Variants in SPRTN observed in about 807,000 individuals in gnomAD.
SPRTN encodes the protein DNA-dependent metalloprotease SPRTN.
Under a neutral mutation model 31.9 loss-of-function variants are expected in SPRTN, and 11 were observed. That is an observed-to-expected ratio of 0.34 (90% CI 0.22 to 0.57). SPRTN has a LOEUF of 0.57. SPRTN is among the 20% of genes least tolerant of loss of function. The pLI, the probability that SPRTN is intolerant of heterozygous loss-of-function variation, is 0.86. For synonymous variants in SPRTN, 185 were observed against 212.1 expected (o/e 0.87, Z 1.11); for missense variants, 482 against 590.1 (o/e 0.82, Z 1.90).
intron 1 of SPRTN, chr1:231,339,522 T>C: frequency 1.4e-6 from 1 of 705,708 alleles, no homozygotes; most frequent in Non-Finnish European, 2.5e-6. Context: ...CCTTCCACCT[T>C]CTCAAGCAGG....
At chr1:231,346,211 A>G (rs769247489) in intron 2 of SPRTN, among the ~76,000 whole-genome samples, 2 of 109,040 alleles carry the variant, frequency 1.8e-5, no homozygotes, top group East Asian at 5.7e-4. Flanking sequence ...TTTTTTTGAG[A>G]TGGAGTCTTG....
In SPRTN at chr1:231,338,548, A is replaced by C; in HGVS notation, c.165A>C (p.Gln55His). 6.2e-7 allele frequency: 1 copy of C among 1,614,214 alleles called. No homozygotes were observed. The highest frequency in any genetic ancestry group is 8.5e-7 in the Non-Finnish European group (1 of 1,180,040). Residue 55 changes from glutamine (Q) to histidine (H), a missense_variant, in exon 1 of 5, where the codon CAA (glutamine) becomes CAC (histidine). Gln to His is a conservative substitution (Grantham distance 24). Around this residue, in one of 2 missense-constraint regions of SPRTN, gnomAD observed 157 missense variants for 239.9 expected, o/e 0.65. Coordinates refer to ENST00000295050, the MANE Select transcript of SPRTN (RefSeq NM_032018.7). ...CACTGTTTGTTCAGTTTAACGACCA[A>C]TTCTTCTGGGGCCAGCTGGAGGCCG... is the stretch of plus-strand genomic sequence containing the variant. ...LQALFVQFND[Q>H]FFWGQLEAVE...
chr1:231,352,402 T>A, intron 4 of SPRTN: 3 of 1,197,868 alleles, frequency 2.5e-6, no homozygotes, highest in Non-Finnish European at 3.1e-6. Context: ...TATGAGAGAA[T>A]TTTTTTTTAT....
chr1:231,351,582 G>A lies in SPRTN; in HGVS notation c.718+11G>A, dbSNP rs758205268. ...CCGCAGAGAATAAAGGTACCTTCGT[G>A]TATATTCTTCTGATTTTTATGTGAC... On this transcript the variant is annotated intron_variant, in intron 4 of 4. Coordinates refer to ENST00000295050, the MANE Select transcript of SPRTN (RefSeq NM_032018.7). 11 of 1,612,466 alleles carry A rather than the reference G, an allele frequency of 6.8e-6. No individual in the cohort carries two copies. In the South Asian group the frequency reaches 7.7e-5, roughly 11 times the overall value.
At chr1:231,341,026 AAGT>A (rs1686871441) in intron 2 of SPRTN, among the ~76,000 whole-genome samples, 1 of 152,122 alleles carries the variant, frequency 6.6e-6, no homozygotes, top group Non-Finnish European at 1.5e-5. Context: ...TTTGTTTAAA[AAGT>A]AGCTACTAAA....
chr1:231,352,388 T>G, intron 4 of SPRTN: 1 of 1,211,008 alleles, frequency 8.3e-7, no homozygotes, highest in Non-Finnish European at 1.0e-6. Context: ...ATTCTTTATT[T>G]AAATATGAGA....
Position 231,353,465 on chromosome 1 carries a change from T to C in SPRTN, c.*104T>C. 1 of 1,449,198 alleles carries C rather than the reference T, an allele frequency of 6.9e-7. No individual in the cohort carries two copies. The highest frequency in any genetic ancestry group is 1.4e-5 in the African/African-American group (1 of 70,290). 89.8% of individuals were successfully genotyped at this position (1,449,198 alleles called of 1,614,324 possible). A position where few individuals can be genotyped will look rare whatever the true frequency, so the allele number is the denominator to read the frequency against. On this transcript the variant is annotated 3_prime_UTR_variant, in exon 5 of 5. Transcript: ENST00000295050. ...ATACTAAGATTTGTAGGTTATAATC[T>C]AGTTCACATAACCAATAGAAAGTGT...
At chr1:231,346,508 G>T (rs1015622959) in intron 2 of SPRTN, among the ~76,000 whole-genome samples, 1 of 151,760 alleles carries the variant, frequency 6.6e-6, no homozygotes, top group Admixed American at 6.6e-5. Flanking sequence ...TGAACTCCAT[G>T]GTCTTTGCCC....
Position 231,354,896 on chromosome 1 carries a change from A to ATT in SPRTN, c.*1535_*1536insTT, listed in dbSNP as rs1687347252. 2 of 523,612 alleles carry ATT rather than the reference A, an allele frequency of 3.8e-6. No individual in the cohort carries two copies. Among genetic ancestry groups the ATT allele is most frequent in the Non-Finnish European group, 4.9e-6 (2 of 408,662 alleles). The allele number at this position is 523,612 out of a possible 1,614,324, so 32.4% of individuals were successfully genotyped here. ...TTTACACTCCTACCAGCAATGTATG[A>ATT]GAGTTTTAGTTGTTCACCATTCATA... On this transcript the variant is annotated 3_prime_UTR_variant, in exon 5 of 5. Coordinates refer to ENST00000295050, the MANE Select transcript of SPRTN (RefSeq NM_032018.7).
At chr1:231,349,748 GCCTGTAAT>G (rs1558366593) in intron 3 of SPRTN, among the ~76,000 whole-genome samples, 1 of 152,188 alleles carries the variant, frequency 6.6e-6, no homozygotes, top group Non-Finnish European at 1.5e-5. Context: ...GGTGGCTCAC[GCCTGTAAT>G]CCCAGCACTT....
At chr1:231,342,866 C>T (rs1167703969) in intron 2 of SPRTN, among the ~76,000 whole-genome samples, 1 of 151,846 alleles carries the variant, frequency 6.6e-6, no homozygotes, top group Non-Finnish European at 1.5e-5. Flanking sequence ...TCCCACATAG[C>T]TGGGACTACA....
intron 2 of SPRTN, among the ~76,000 whole-genome samples, chr1:231,341,723 A>G (rs1010319995): frequency 2.6e-5 from 4 of 152,224 alleles, no homozygotes; most frequent in Non-Finnish European, 5.9e-5. Context: ...GCGGTGGCTC[A>G]CGCCCATAAT....
rs527316897 is a variant in SPRTN, at chr1:231,338,603, C to T, written c.220C>T (p.Leu74=). The T allele has an allele frequency of 6.8e-5, 109 of 1,614,146 alleles. 2 individuals carry two copies. In the South Asian group the frequency reaches 1.1e-3, roughly 16 times the overall value. ...VEVKWSVRMT[L]CAGICSYEGK... ...GGTGAAGTGGAGCGTGCGAATGACC[C>T]TGTGAGTTCCGAGCCCCGCTGGGGA... The change falls in exon 1 of 5, where the codon CTG becomes TTG. Residue 74 remains leucine, a splice_region_variant and synonymous_variant. Transcript: ENST00000295050.
intron 2 of SPRTN, chr1:231,347,530 T>C: frequency 3.3e-6 from 1 of 303,262 alleles, no homozygotes; most frequent in South Asian, 5.1e-5. Context: ...ACCTGGCTAA[T>C]TTTTGTATTT....
In SPRTN at chr1:231,347,860, G is replaced by C. The variant is rs1412854426; in HGVS notation, c.385G>C (p.Gly129Arg). The change falls in exon 3 of 5, where the codon GGG (glycine) becomes CGG (arginine). Residue 129 changes from glycine (G) to arginine (R), a missense_variant. Around this residue, in one of 2 missense-constraint regions of SPRTN, gnomAD observed 157 missense variants for 239.9 expected, o/e 0.65. Transcript: ENST00000295050. ...CACTAATAACGACAAAGACCGAGAAGGGCATGGTCCAGAATTTTGTAAACA... is the reference window on the plus strand; with the variant it reads ...CACTAATAACGACAAAGACCGAGAACGGCATGGTCCAGAATTTTGTAAACA... Reference protein sequence around the residue: ...FVTNNDKDREGHGPEFCKHMH... With the variant: ...FVTNNDKDRERHGPEFCKHMH... 1.2e-6 allele frequency: 2 copies of C among 1,614,026 alleles called. No homozygotes were observed. Among genetic ancestry groups the C allele is most frequent in the Admixed American group, 1.7e-5 (1 of 60,010 alleles).
chr1:231,350,203 A>C (rs1172197177), intron 3 of SPRTN, among the ~76,000 whole-genome samples: 1 of 152,208 alleles, frequency 6.6e-6, no homozygotes, highest in African/African-American at 2.4e-5. Context: ...CTTAGGATGG[A>C]GCGATAGTGA....
At chr1:231,350,738 T>G (rs1196986045) in intron 3 of SPRTN, among the ~76,000 whole-genome samples, 1 of 152,142 alleles carries the variant, frequency 6.6e-6, no homozygotes, top group Non-Finnish European at 1.5e-5. Flanking sequence ...TCATAAGGCT[T>G]ATTACAGAGA....
Position 231,353,209 on chromosome 1 carries a change from A to G in SPRTN, c.1318A>G (p.Thr440Ala), listed in dbSNP as rs752925605. 19 of 1,613,962 alleles carry G rather than the reference A, an allele frequency of 1.2e-5. 1 individual carries two copies. In the East Asian group the frequency reaches 4.2e-4, roughly 36 times the overall value. ...TAATGATCCAAAGTATAGTACAACC[A>G]CAGCTCAGAATTCCAGCAGTTCATC... is the stretch of plus-strand genomic sequence containing the variant. Reference protein sequence around the residue: ...SGNDPKYSTTTAQNSSSSSSQ... With the variant: ...SGNDPKYSTTAAQNSSSSSSQ... Residue 440 changes from threonine (T) to alanine (A), a missense_variant, in exon 5 of 5, where the codon ACA becomes GCA. By Grantham distance (58) the Thr-to-Ala change is moderately conservative. Transcript: ENST00000295050.
chr1:231,354,959 C>T lies in SPRTN; in HGVS notation c.*1598C>T. ...GCCCTTTTCGTTTTAGACTGGTTGG[C>T]TGTTCACAAATTTTGATATTCCTTA... On this transcript the variant is annotated 3_prime_UTR_variant, in exon 5 of 5. Coordinates refer to ENST00000295050, the MANE Select transcript of SPRTN (RefSeq NM_032018.7). 1 of 938,124 alleles carries T rather than the reference C, an allele frequency of 1.1e-6. No homozygotes were observed. The highest frequency in any genetic ancestry group is 1.3e-6 in the Non-Finnish European group (1 of 786,924). The allele number at this position is 938,124 out of a possible 1,614,324, so 58.1% of individuals were successfully genotyped here. A position where few individuals can be genotyped will look rare whatever the true frequency, so the allele number is the denominator to read the frequency against.
Sources: allele counts gnomAD v4.1 joint callset (sites outside exome capture counted in the v4.1 genomes callset), GRCh38; gene constraint gnomAD v4.1.1; regional missense constraint gnomAD v4.1.1; transcripts MANE v1.5; gene names NCBI Gene and HGNC (gene_info 2026-07-23, HGNC 2026-07-21).